The following SYT15 variants were observed in gnomAD, a reference collection of about 807,000 sequenced individuals.
SYT15 encodes synaptotagmin 15, also known as synaptotagmin-15.
In SYT15, 4 loss-of-function variants were observed where a neutral mutation model predicts 30.1. The ratio of observed to expected loss-of-function variants is 0.13; its 90% CI spans 0.07 to 0.30. The LOEUF (loss-of-function observed/expected upper bound fraction) is 0.30, where lower values mean the gene tolerates loss of function less well. Ranked by LOEUF, SYT15 falls within the 10% of genes least tolerant of loss-of-function variation. The pLI, the probability that SYT15 is intolerant of heterozygous loss-of-function variation, is 1.00. For missense variants in SYT15, 49 were observed against 371.7 expected (o/e 0.13, Z 7.14); for synonymous variants, 19 against 166.3 (o/e 0.11, Z 6.82).
At chr10:46,579,453 C>A (rs111625798) in intron 1 of SYT15, among the ~76,000 whole-genome samples, 1 of 108,514 alleles carries the variant, frequency 9.2e-6, no homozygotes, top group African/African-American at 4.1e-5. Flanking sequence ...AAGGGAGGCA[C>A]CTTTTTGGCC....
downstream of SYT15, among the ~76,000 whole-genome samples, chr10:46,596,579 G>A (rs1555045791): frequency 6.9e-6 from 1 of 145,016 alleles, no homozygotes; most frequent in Admixed American, 6.8e-5. Flanking sequence ...GAACCATAGG[G>A]AAGATGTCTG....
At chr10:46,593,390 A>C (rs79374010), downstream of SYT15, 1 of 144,276 alleles carries the variant, frequency 6.9e-6, no homozygotes, top group Non-Finnish European at 1.5e-5. Context: ...CAGAAGTTTG[A>C]GACCAACCTG....
At position 46,591,952 on chromosome 10, in the gene SYT15, TAG is replaced by T. The variant is rs1191900988; in HGVS notation, c.*4308_*4309del. The T allele has an allele frequency of 2.2e-5, 3 of 133,816 alleles. 1 individual carries two copies. The highest frequency in any genetic ancestry group is 4.8e-5 in the Non-Finnish European group (3 of 63,074). 8.3% of individuals were successfully genotyped at this position (133,816 alleles called of 1,614,324 possible). A position where few individuals can be genotyped will look rare whatever the true frequency, so the allele number is the denominator to read the frequency against. Reference sequence around the variant, plus strand: ...TTATAATGATGTCATGTCTCTTGAATAGAGTTGTTTTAATCAAGTCTGTCAAA... The same window carrying T: ...TTATAATGATGTCATGTCTCTTGAATAGTTGTTTTAATCAAGTCTGTCAAA... On this transcript the variant is annotated 3_prime_UTR_variant, in exon 8 of 8. Coordinates refer to ENST00000374321, the MANE Select transcript of SYT15 (RefSeq NM_031912.5).
intron 7 of SYT15, among the ~76,000 whole-genome samples, chr10:46,586,781 G>C (rs1458742148): frequency 1.0e-5 from 1 of 95,526 alleles, no homozygotes; most frequent in South Asian, 4.0e-4. Flanking sequence ...GGAGGCAGAG[G>C]TTGCAGTGAG....
At chr10:46,586,522 G>A (rs1290574901) in intron 7 of SYT15, among the ~76,000 whole-genome samples, 2 of 106,426 alleles carry the variant, frequency 1.9e-5, no homozygotes, top group Non-Finnish European at 3.8e-5. Context: ...TTCCAGCCTG[G>A]GCAACAGAGC....
chr10:46,594,630 C>A (rs1285481947), downstream of SYT15, among the ~76,000 whole-genome samples: 2 of 141,788 alleles, frequency 1.4e-5, 1 homozygote, highest in African/African-American at 5.6e-5. Context: ...CCTTTGCTGC[C>A]TCTTAGCTAT....
At chr10:46,595,006 C>T (rs1466478743), downstream of SYT15, among the ~76,000 whole-genome samples, 1 of 93,892 alleles carries the variant, frequency 1.1e-5, no homozygotes, top group East Asian at 2.8e-4. Flanking sequence ...TATCAGTGTG[C>T]AATTTTTTTG....
Sources: allele counts gnomAD v4.1 joint callset (sites outside exome capture counted in the v4.1 genomes callset), GRCh38; gene constraint gnomAD v4.1.1; transcripts MANE v1.5; gene names NCBI Gene and HGNC (gene_info 2026-07-23, HGNC 2026-07-21).